MXD4: variants seen among roughly 807,000 people sequenced by gnomAD.
MXD4 encodes the protein Mad4 homolog.
In MXD4, 16 loss-of-function variants were observed where a neutral mutation model predicts 24.5. The observed-to-expected ratio is 0.65, with a 90% CI of 0.44 to 0.99. The LOEUF is 0.99. MXD4 is among the 50% of genes least tolerant of loss of function. The pLI is 0.00. For missense variants in MXD4, 301 were observed against 301.5 expected, an observed-to-expected ratio of 1.00 and a Z score of 0.01; for synonymous variants, 164 against 134.2, an observed-to-expected ratio of 1.22 and a Z score of -1.54.
Position 2,261,895 on chromosome 4 carries a change from C to T in MXD4, c.64+22G>A, listed in dbSNP as rs1162621907. On this transcript the variant is annotated intron_variant, in intron 1 of 5. Coordinates refer to ENST00000337190, the MANE Select transcript of MXD4 (RefSeq NM_006454.3). ...CGCCGCCCGCCCACCGCCGCGGGCG[C>T]ACAATGGGGTGCGAGCGCTACCTCG... 6 of 1,433,130 alleles carry T rather than the reference C, an allele frequency of 4.2e-6. No homozygotes were observed. In the South Asian group the frequency reaches 8.3e-5, roughly 20 times the overall value. The allele number at this position is 1,433,130 out of a possible 1,614,324, so 88.8% of individuals were successfully genotyped here.
At chr4:2,261,145 G>A (rs1212857863) in intron 2 of MXD4, among the ~76,000 whole-genome samples, 2 of 152,250 alleles carry the variant, frequency 1.3e-5, no homozygotes, top group African/African-American at 2.4e-5. Context: ...CGCTGTGTCA[G>A]GAGGCTGGGC....
chr4:2,260,027 C>T (rs1735507522), intron 2 of MXD4, among the ~76,000 whole-genome samples: 2 of 152,124 alleles, frequency 1.3e-5, no homozygotes, highest in Admixed American at 1.3e-4. Flanking sequence ...ATCCTCTGGC[C>T]CCCTGCTCCG....
chr4:2,260,639 G>T lies in MXD4; in HGVS notation c.164+1086C>A, dbSNP rs1423189594. The T allele has an allele frequency of 5.2e-4, 236 of 452,286 alleles. 1 individual carries two copies. Among genetic ancestry groups the T allele is most frequent in the Non-Finnish European group, 1.0e-4 (23 of 224,946 alleles). 28.0% of individuals were successfully genotyped at this position (452,286 alleles called of 1,614,324 possible). ...AACTGTCCCCAGTAGGGGACCAGGG[G>T]CTGGGACTCAGGGACGGGTCCCAGC... On this transcript the variant is annotated intron_variant, in intron 2 of 5. Transcript: ENST00000337190.
At chr4:2,251,352 C>G (rs1735319590) in intron 4 of MXD4, 106 bp from the exon 5 acceptor site, 1 of 1,333,486 alleles carries the variant, frequency 7.5e-7, no homozygotes, top group Non-Finnish European at 1.0e-6. Context: ...TTCCCCATCC[C>G]TGCCAAGACC....
intron 2 of MXD4, among the ~76,000 whole-genome samples, chr4:2,261,455 C>G (rs937977276): frequency 4.0e-5 from 6 of 151,626 alleles, no homozygotes; most frequent in Non-Finnish European, 8.8e-5. Flanking sequence ...GGCGCGGGAG[C>G]GGACCCCGGC....
chr4:2,252,404 T>G lies in MXD4; in HGVS notation c.309+4A>C. The G allele has an allele frequency of 1.9e-6, 3 of 1,609,164 alleles. No individual in the cohort carries two copies. Among genetic ancestry groups the G allele is most frequent in the Non-Finnish European group, 2.5e-6 (3 of 1,177,002 alleles). On this transcript the variant is annotated splice_donor_region_variant and intron_variant, in intron 4 of 5. Coordinates refer to ENST00000337190, the MANE Select transcript of MXD4 (RefSeq NM_006454.3). ...GGGCAGGGTGGAGAGCAAGGCCCAC[T>G]CACCTTGATGTGCACCTTGGCCCGC...
At chr4:2,257,531 C>T (rs1204969096) in intron 3 of MXD4, among the ~76,000 whole-genome samples, 1 of 152,250 alleles carries the variant, frequency 6.6e-6, no homozygotes, top group Admixed American at 6.5e-5. Flanking sequence ...TCGCCTGAAT[C>T]CTGCCCTAGG....
chr4:2,251,520 C>T (rs1481649394), intron 4 of MXD4, among the ~76,000 whole-genome samples: 1 of 152,256 alleles, frequency 6.6e-6, no homozygotes, highest in East Asian at 1.9e-4. Context: ...AGCCACCAGG[C>T]AGCCTTGGCC....
At chr4:2,251,039 G>A (rs753321276) in intron 5 of MXD4, 45 bp downstream of exon 5, 9 of 1,492,638 alleles carry the variant, frequency 6.0e-6, no homozygotes, top group African/African-American at 2.8e-5. Flanking sequence ...GCACCACTGC[G>A]CACCCGGAGG....
intron 2 of MXD4, chr4:2,260,578 G>A (rs148658795): frequency 4.5e-4 from 205 of 455,578 alleles, no homozygotes; most frequent in African/African-American, 3.9e-3. Context: ...GAGGCCTGAG[G>A]CAATGGTTCC....
chr4:2,252,340 C>T, intron 4 of MXD4, 68 bp downstream of exon 4: 7 of 1,282,110 alleles, frequency 5.5e-6, no homozygotes, highest in Non-Finnish European at 7.9e-6. Flanking sequence ...CCTGTGAGCA[C>T]CCCCCCAGGG....
intron 2 of MXD4, among the ~76,000 whole-genome samples, chr4:2,261,490 G>C (rs1310997187): frequency 4.0e-5 from 6 of 151,120 alleles, no homozygotes; most frequent in African/African-American, 1.2e-4. Context: ...GCGTGGCACT[G>C]TTTACGCGAG....
In MXD4 at chr4:2,249,014, G is replaced by A. The variant is rs1735255678; in HGVS notation, c.*1530C>T. ...GCAGGGGGCTCGAGTCAGGTGACAG[G>A]TGAGAATCCATCTCTCTAGTGAGCA... is the stretch of plus-strand genomic sequence containing the variant. On this transcript the variant is annotated 3_prime_UTR_variant, in exon 6 of 6. Coordinates refer to ENST00000337190, the MANE Select transcript of MXD4 (RefSeq NM_006454.3). 6.6e-6 allele frequency: 1 copy of A among 152,366 alleles called. No individual in the cohort carries two copies. The highest frequency in any genetic ancestry group is 2.4e-5 in the African/African-American group (1 of 41,470). 9.4% of individuals were successfully genotyped at this position (152,366 alleles called of 1,614,324 possible).
At chr4:2,255,089 T>A (rs1396759332) in intron 3 of MXD4, 1 of 359,448 alleles carries the variant, frequency 2.8e-6, no homozygotes, top group Non-Finnish European at 5.5e-6. Flanking sequence ...CAGCCAAGTG[T>A]CCTGTGCAGT....
chr4:2,256,298 T>A (rs978942062), intron 3 of MXD4, among the ~76,000 whole-genome samples: 1 of 152,130 alleles, frequency 6.6e-6, no homozygotes, highest in African/African-American at 2.4e-5. Flanking sequence ...GAGCTGCCTC[T>A]CTACAAAGGG....
intron 2 of MXD4, chr4:2,258,835 G>A (rs1016430722): frequency 2.2e-6 from 1 of 449,094 alleles, no homozygotes; most frequent in Non-Finnish European, 4.5e-6. Flanking sequence ...GGCTGCCCTG[G>A]AGGCCCGGGC....
chr4:2,259,859 T>C (rs1205781954), intron 2 of MXD4, among the ~76,000 whole-genome samples: 1 of 152,142 alleles, frequency 6.6e-6, no homozygotes, highest in Non-Finnish European at 1.5e-5. Flanking sequence ...TGGACCCCCC[T>C]GCAGGCTGGC....
Position 2,262,024 on chromosome 4 carries a change from G to A in MXD4, c.-44C>T, listed in dbSNP as rs745867599. On this transcript the variant is annotated 5_prime_UTR_variant, in exon 1 of 6. Transcript: ENST00000337190. ...CCGCCCCGGGACGGCGGCGGCCGCTGCCCGGCCCGCTCCGGCCGGCTCCGC... is the reference window on the plus strand; with the variant it reads ...CCGCCCCGGGACGGCGGCGGCCGCTACCCGGCCCGCTCCGGCCGGCTCCGC... 217 of 1,091,040 alleles carry A rather than the reference G, an allele frequency of 2.0e-4. No individual in the cohort carries two copies. The highest frequency in any genetic ancestry group is 2.3e-4 in the Non-Finnish European group (205 of 892,120). 67.6% of individuals were successfully genotyped at this position (1,091,040 alleles called of 1,614,324 possible).
chr4:2,248,647 G>T lies in MXD4; in HGVS notation c.*1897C>A, dbSNP rs940957572. On this transcript the variant is annotated 3_prime_UTR_variant, in exon 6 of 6. Transcript: ENST00000337190. Reference sequence around the variant, plus strand: ...CCTCACAACCACCCGCAACGCGTTCGGATGCCCCTCAGCTCCAGGCACCAT... The same window carrying T: ...CCTCACAACCACCCGCAACGCGTTCTGATGCCCCTCAGCTCCAGGCACCAT... 6.6e-6 allele frequency: 1 copy of T among 152,274 alleles called. No individual in the cohort carries two copies. Among genetic ancestry groups the T allele is most frequent in the African/African-American group, 2.4e-5 (1 of 41,436 alleles). The allele number at this position is 152,274 out of a possible 1,614,324, so 9.4% of individuals were successfully genotyped here.
Sources: gnomAD v4.1 joint callset for allele counts (sites outside exome capture counted in the v4.1 genomes callset) on GRCh38, gnomAD v4.1.1 for gene constraint, MANE v1.5 for transcripts, NCBI Gene and HGNC (gene_info 2026-07-23, HGNC 2026-07-21) for gene names.